The following PCDHA1 variants were observed in gnomAD, a reference collection of about 807,000 sequenced individuals.
The protein encoded by PCDHA1 is protocadherin alpha 1, also known as protocadherin alpha-1.
Under a neutral mutation model 61.3 loss-of-function variants are expected in PCDHA1, and 42 were observed. That is an observed-to-expected ratio of 0.69 (90% confidence interval 0.54 to 0.89). The LOEUF is 0.89. Among genes scored for constraint, PCDHA1 ranks in the 40% least tolerant of loss-of-function variants. The probability of loss-of-function intolerance (pLI) is 0.00; values close to 1 mark genes in which losing one functional copy is unlikely to be tolerated. For missense variants in PCDHA1, 1,256 were observed against 1,235.3 expected (o/e 1.02, Z -0.25); for synonymous variants, 610 against 553.8 (o/e 1.10, Z -1.43).
chr5:140,954,599 C>T (rs1554221480), intron 1 of PCDHA1, among the ~76,000 whole-genome samples: 1 of 152,042 alleles, frequency 6.6e-6, no homozygotes, highest in East Asian at 1.9e-4. Flanking sequence ...ATGTTCTTTG[C>T]CCACTTTTTA....
chr5:140,876,063 G>T (rs1404065760), intron 1 of PCDHA1: 1 of 1,613,860 alleles, frequency 6.2e-7, no homozygotes, highest in East Asian at 2.2e-5. Flanking sequence ...TAGTTCTTCG[G>T]AAGTTATTGG....
chr5:140,920,204 G>A (rs185996994), intron 1 of PCDHA1, among the ~76,000 whole-genome samples: 3 of 152,222 alleles, frequency 2.0e-5, no homozygotes, highest in Admixed American at 1.3e-4. Context: ...AGCAGCCACA[G>A]AAAACCAATG....
At chr5:140,833,751 AAC>A (rs2150210782) in intron 1 of PCDHA1, among the ~76,000 whole-genome samples, 1,564 of 151,344 alleles carry the variant, frequency 0.01, 31 homozygotes, top group African/African-American at 0.036. Context: ...CTAAAAAGAA[AAC>A]ACACACACAC....
chr5:140,893,656 TA>T (rs1241356048), intron 1 of PCDHA1, among the ~76,000 whole-genome samples: 28 of 152,340 alleles, frequency 1.8e-4, no homozygotes, highest in Admixed American at 1.6e-3. Flanking sequence ...CTGATAGTTT[TA>T]AAAAATTTCA....
rs782516685 is a variant in PCDHA1, at chr5:140,883,846, G to T, written c.2395-95103G>T. ...ACGCGCTGCAGCCGTTGGACCACGAGGAGCTGGAGCTGTTGCAGTTCCAGG... is the reference window on the plus strand; with the variant it reads ...ACGCGCTGCAGCCGTTGGACCACGATGAGCTGGAGCTGTTGCAGTTCCAGG... On this transcript the variant is annotated intron_variant, in intron 1 of 3. Coordinates refer to ENST00000504120, the MANE Select transcript of PCDHA1 (RefSeq NM_018900.4). 7 of 1,612,790 alleles carry T rather than the reference G, an allele frequency of 4.3e-6. No individual in the cohort carries two copies. In the East Asian group the frequency reaches 1.3e-4, roughly 31 times the overall value.
intron 1 of PCDHA1, chr5:140,822,764 C>A (rs1767428051): frequency 2.5e-6 from 4 of 1,613,898 alleles, no homozygotes; most frequent in Non-Finnish European, 1.7e-6. Context: ...TTCCCATTAT[C>A]AGGACACTGT....
intron 1 of PCDHA1, among the ~76,000 whole-genome samples, chr5:140,922,606 T>C (rs1394298971): frequency 2.6e-5 from 4 of 152,176 alleles, no homozygotes; most frequent in African/African-American, 9.7e-5. Context: ...GTTGAAGATA[T>C]ATTAAAACTA....
rs139165612 is a variant in PCDHA1 at position 140,875,715 on chromosome 5, T to C, written c.2394+87031T>C. On this transcript the variant is annotated intron_variant, in intron 1 of 3. Coordinates refer to ENST00000504120, the MANE Select transcript of PCDHA1 (RefSeq NM_018900.4). Reference sequence around the variant, plus strand: ...ACCTTCTGGAGGTAAATCTGCAGAATGGCATTTTGTTTGTGAATTCTCGGA... The same window carrying C: ...ACCTTCTGGAGGTAAATCTGCAGAACGGCATTTTGTTTGTGAATTCTCGGA... 205 of 1,614,134 alleles carry C rather than the reference T, an allele frequency of 1.3e-4. 1 individual carries two copies. The African/African-American group carries it at 2.2e-3, about 17-fold the overall frequency.
chr5:140,835,420 A>G (rs2150235357), intron 1 of PCDHA1: 60 of 1,613,840 alleles, frequency 3.7e-5, no homozygotes, highest in Non-Finnish European at 4.5e-5. Context: ...GTAAATGACA[A>G]TGCTCCACAG....
In PCDHA1 at chr5:141,009,880, C is replaced by G; in HGVS notation, c.2796C>G (p.Asn932Lys). The G allele has an allele frequency of 6.2e-7, 1 of 1,613,788 alleles. No individual in the cohort carries two copies. The highest frequency in any genetic ancestry group is 1.1e-5 in the South Asian group (1 of 91,042). The change falls in exon 4 of 4, where the codon AAC (asparagine) becomes AAG (lysine). Residue 932 changes from asparagine to lysine, a missense_variant. By Grantham distance (94) the Asn-to-Lys change is moderately conservative. Transcript: ENST00000504120. ...TKKKKKKKKGNKTQEKKEKGN... is the reference protein window; with the variant it reads ...TKKKKKKKKGKKTQEKKEKGN... ...AAAAGAAGAAAAAGAAGAAGGGTAA[C>G]AAGACCCAGGAGAAAAAAGAGAAAG...
intron 1 of PCDHA1, chr5:140,809,789 A>C: frequency 2.1e-6 from 1 of 470,038 alleles, no homozygotes; most frequent in South Asian, 4.2e-5. Context: ...TATTAACAGA[A>C]CTGTAATTTC....
chr5:140,950,254 T>C (rs1554219388), intron 1 of PCDHA1, among the ~76,000 whole-genome samples: 1 of 152,040 alleles, frequency 6.6e-6, no homozygotes. Context: ...CCTAAAGAGC[T>C]GAGTTTATCC....
At position 140,788,159 on chromosome 5, in the gene PCDHA1, C is replaced by T. The variant is rs1761441889; in HGVS notation, c.1869C>T (p.Arg623=). 1 of 1,613,968 alleles carries T rather than the reference C, an allele frequency of 6.2e-7. No individual in the cohort carries two copies. The highest frequency in any genetic ancestry group is 8.5e-7 in the Non-Finnish European group (1 of 1,179,908). The change falls in exon 1 of 4, where the codon CGC becomes CGT. Residue 623 remains arginine, a synonymous_variant. Coordinates refer to ENST00000504120, the MANE Select transcript of PCDHA1 (RefSeq NM_018900.4). The stretch of plus-strand genomic sequence containing the variant: ...CAGGCGGCGCGCGCATCCCGTTCCG[C>T]GTGGGGCTGTACACGGGCGAGATCA... The part of the protein sequence containing the change: ...PAAGGARIPF[R]VGLYTGEIST...
At chr5:140,809,365 G>A in intron 1 of PCDHA1, 1 of 1,614,026 alleles carries the variant, frequency 6.2e-7, no homozygotes, top group Middle Eastern at 1.7e-4. Context: ...GCTCTGCGCT[G>A]CCCACCGAGG....
chr5:140,875,306 C>T, intron 1 of PCDHA1: 1 of 1,420,166 alleles, frequency 7.0e-7, no homozygotes, highest in Admixed American at 2.9e-5. Context: ...TTCTCCGCAC[C>T]CACATTCCAA....
chr5:140,931,247 C>G (rs782447233), intron 1 of PCDHA1, among the ~76,000 whole-genome samples: 4 of 152,032 alleles, frequency 2.6e-5, no homozygotes, highest in African/African-American at 4.8e-5. Flanking sequence ...CTTTTCCTAC[C>G]AAGAAATTTC....
intron 1 of PCDHA1, chr5:140,804,746 T>A: frequency 4.7e-6 from 1 of 213,384 alleles, no homozygotes; most frequent in Non-Finnish European, 9.2e-6. Context: ...TATTTGGTTA[T>A]CTCCTCTAGC....
chr5:140,973,825 T>A (rs1253333011), intron 1 of PCDHA1, among the ~76,000 whole-genome samples: 5 of 152,246 alleles, frequency 3.3e-5, no homozygotes, highest in Non-Finnish European at 5.9e-5. Context: ...AAGTCAGTTC[T>A]GGGTACTTGC....
chr5:140,876,580 G>T, intron 1 of PCDHA1: 1 of 1,614,190 alleles, frequency 6.2e-7, no homozygotes, highest in African/African-American at 1.3e-5. Context: ...TACCGTCATT[G>T]CCCTGATTAG....
Sources: gnomAD v4.1 joint callset for allele counts (sites outside exome capture counted in the v4.1 genomes callset) on GRCh38, gnomAD v4.1.1 for gene constraint, MANE v1.5 for transcripts, NCBI Gene and HGNC (gene_info 2026-07-23, HGNC 2026-07-21) for gene names.